The following CSMD1 variants were observed in gnomAD, a reference collection of about 807,000 sequenced individuals.
The protein encoded by CSMD1 is CUB and sushi domain-containing protein 1.
Under a neutral mutation model 417.5 loss-of-function variants are expected in CSMD1, and 213 were observed. The ratio of observed to expected loss-of-function variants is 0.51; its 90% confidence interval spans 0.46 to 0.57. The LOEUF (loss-of-function observed/expected upper bound fraction) is 0.57, where lower values mean the gene tolerates loss of function less well. CSMD1 is among the 20% of genes least tolerant of loss of function. The probability of loss-of-function intolerance (pLI) is 0.00; values close to 1 mark genes in which losing one functional copy is unlikely to be tolerated. For synonymous variants in CSMD1, 2,862 were observed against 1,736.8 expected, an observed-to-expected ratio of 1.65 and a Z score of -16.11; for missense variants, 6,923 against 4,529.7, an observed-to-expected ratio of 1.53 and a Z score of -15.17.
intron 3 of CSMD1, among the ~76,000 whole-genome samples, chr8:4,359,770 G>T (rs1477386893): frequency 1.3e-5 from 2 of 152,330 alleles, no homozygotes; most frequent in South Asian, 4.1e-4. Context: ...TCCACGTCAA[G>T]GAGTTGGTAA....
chr8:3,189,496 C>G (rs1796283600), intron 34 of CSMD1, among the ~76,000 whole-genome samples: 1 of 152,110 alleles, frequency 6.6e-6, no homozygotes, highest in Non-Finnish European at 1.5e-5. Flanking sequence ...AGCAGGTAAA[C>G]TATAACTAAC....
intron 3 of CSMD1, among the ~76,000 whole-genome samples, chr8:4,269,327 A>G (rs114884160): frequency 0.017 from 2,635 of 152,222 alleles, 69 homozygotes; most frequent in African/African-American, 0.059. Flanking sequence ...GCCTCCCCCA[A>G]AGTGCTGGGA....
At chr8:4,954,514 CTCAAT>C (rs1035845308) in intron 1 of CSMD1, among the ~76,000 whole-genome samples, 34 of 152,210 alleles carry the variant, frequency 2.2e-4, no homozygotes, top group Middle Eastern at 3.4e-3. Context: ...TGCATTCCAC[CTCAAT>C]TCATCTATAG....
At chr8:4,119,423 G>T (rs1802350497) in intron 3 of CSMD1, among the ~76,000 whole-genome samples, 1 of 152,174 alleles carries the variant, frequency 6.6e-6, no homozygotes, top group South Asian at 2.1e-4. Flanking sequence ...TCAAGTCACA[G>T]GATGATATTG....
intron 1 of CSMD1, among the ~76,000 whole-genome samples, chr8:4,821,138 G>A (rs1457188): frequency 2.0e-5 from 3 of 152,238 alleles, no homozygotes; most frequent in East Asian, 1.9e-4. Flanking sequence ...GCAAGACGCC[G>A]AAACTTCTCT....
chr8:4,154,606 G>A (rs1174735588), intron 3 of CSMD1, among the ~76,000 whole-genome samples: 2 of 152,192 alleles, frequency 1.3e-5, no homozygotes, highest in African/African-American at 4.8e-5. Flanking sequence ...AGGAATGCAT[G>A]AGCCTACAAA....
intron 25 of CSMD1, among the ~76,000 whole-genome samples, chr8:3,303,164 G>C (rs17320037): frequency 7.2e-5 from 11 of 152,202 alleles, no homozygotes; most frequent in Non-Finnish European, 1.2e-4. Flanking sequence ...TTATTCCTGA[G>C]TGGCCTCATA....
chr8:4,271,497 G>T (rs978411703), intron 3 of CSMD1, among the ~76,000 whole-genome samples: 10 of 151,596 alleles, frequency 6.6e-5, no homozygotes, highest in African/African-American at 2.4e-4. Flanking sequence ...AGAAAAAACT[G>T]CATCAAAATC....
intron 5 of CSMD1, among the ~76,000 whole-genome samples, chr8:3,755,501 A>G (rs1797608225): frequency 2.0e-5 from 3 of 152,192 alleles, no homozygotes; most frequent in Admixed American, 2.0e-4. Flanking sequence ...TGCTTTTAGC[A>G]GGAACTTGAA....
intron 11 of CSMD1, among the ~76,000 whole-genome samples, chr8:3,476,933 T>G (rs67086252): frequency 0.62 from 88,917 of 142,962 alleles, 28,110 homozygotes; most frequent in Middle Eastern, 0.76. Flanking sequence ...AAAAAAAAAA[T>G]GTGAATCAGT....
intron 2 of CSMD1, among the ~76,000 whole-genome samples, chr8:4,445,463 G>C (rs533507939): frequency 1.8e-3 from 277 of 152,240 alleles, no homozygotes; most frequent in African/African-American, 6.4e-3. Flanking sequence ...CCTCCAGTGA[G>C]TCACTTAAGA....
intron 3 of CSMD1, among the ~76,000 whole-genome samples, chr8:4,372,728 T>G (rs914368642): frequency 7.9e-5 from 11 of 138,592 alleles, no homozygotes; most frequent in Non-Finnish European, 1.2e-4. Flanking sequence ...TGTCCAAACC[T>G]AGAAAATGGA....
chr8:2,937,109 C>T lies in CSMD1; in HGVS notation c.*1476G>A, dbSNP rs947343588. On this transcript the variant is annotated 3_prime_UTR_variant, in exon 70 of 70. Transcript: ENST00000635120. ...ATTTGTTACATAAACTACCTCACGGCCACATCTTCTACTTCATGTTTTGAT... is the reference window on the plus strand; with the variant it reads ...ATTTGTTACATAAACTACCTCACGGTCACATCTTCTACTTCATGTTTTGAT... 1.3e-5 allele frequency: 2 copies of T among 152,144 alleles called. No homozygotes were observed. The highest frequency in any genetic ancestry group is 2.9e-5 in the Non-Finnish European group (2 of 68,034). 9.4% of individuals were successfully genotyped at this position (152,144 alleles called of 1,614,324 possible).
Position 3,635,585 on chromosome 8 carries a change from G to C in CSMD1, c.1010-18788C>G, listed in dbSNP as rs1027511371. ...TGCAAGCTACACATCCCAGGTTCAC[G>C]CCATTCTCCTGCGTCAACCTCCTGA... On this transcript the variant is annotated intron_variant, in intron 7 of 69. Coordinates refer to ENST00000635120, the MANE Select transcript of CSMD1 (RefSeq NM_033225.6). 2.7e-5 allele frequency among the ~76,000 whole-genome samples: 4 copies of C among 149,494 alleles called. No individual in the cohort carries two copies. The Admixed American group carries it at 2.7e-4, about 10-fold the overall frequency.
At chr8:3,512,431 T>C (rs1440006613) in intron 10 of CSMD1, among the ~76,000 whole-genome samples, 1 of 152,078 alleles carries the variant, frequency 6.6e-6, no homozygotes, top group Non-Finnish European at 1.5e-5. Context: ...ATTTGATTTA[T>C]GTATTTGTAA....
rs1814359362 is a variant in CSMD1, at chr8:3,986,817, G to A, written c.818+11086C>T. On this transcript the variant is annotated intron_variant, in intron 5 of 69. Coordinates refer to ENST00000635120, the MANE Select transcript of CSMD1 (RefSeq NM_033225.6). ...GTTGCCCAGGCTGGAATGCAGTGAT[G>A]CGATCTCGGCTCACTGCAATCTCTG... 2.0e-5 allele frequency among the ~76,000 whole-genome samples: 3 copies of A among 151,942 alleles called. No homozygotes were observed. In the South Asian group the frequency reaches 6.2e-4, roughly 31 times the overall value.
chr8:4,629,851 T>C (rs998432830), intron 2 of CSMD1, among the ~76,000 whole-genome samples: 1 of 152,188 alleles, frequency 6.6e-6, no homozygotes, highest in African/African-American at 2.4e-5. Context: ...TATGTGGCTG[T>C]CTGCTTGTTC....
chr8:4,342,338 C>A (rs1477438139), intron 3 of CSMD1, among the ~76,000 whole-genome samples: 2 of 152,042 alleles, frequency 1.3e-5, no homozygotes, highest in Non-Finnish European at 2.9e-5. Context: ...GTATTACACA[C>A]ACAGAAAAAT....
At chr8:3,931,899 A>C (rs1301794494) in intron 5 of CSMD1, among the ~76,000 whole-genome samples, 1 of 146,082 alleles carries the variant, frequency 6.8e-6, no homozygotes, top group Admixed American at 6.8e-5. Context: ...GTAGGAAAAG[A>C]AACAGAAAAA....
Sources: gnomAD v4.1 joint callset for allele counts (sites outside exome capture counted in the v4.1 genomes callset) on GRCh38, gnomAD v4.1.1 for gene constraint, MANE v1.5 for transcripts, NCBI Gene and HGNC (gene_info 2026-07-23, HGNC 2026-07-21) for gene names.